DYM: variants seen among roughly 807,000 people sequenced by gnomAD.
The protein encoded by DYM is dyggve-Melchior-Clausen syndrome protein.
Under a neutral mutation model 93.1 loss-of-function variants are expected in DYM, and 78 were observed. The ratio of observed to expected loss-of-function variants is 0.84; its 90% CI spans 0.70 to 1.01. DYM has a LOEUF of 1.01. Among genes scored for constraint, DYM ranks in the 50% least tolerant of loss-of-function variants. The probability of loss-of-function intolerance (pLI) is 0.00; values close to 1 mark genes in which losing one functional copy is unlikely to be tolerated. For missense variants in DYM, 789 were observed against 845.0 expected, an observed-to-expected ratio of 0.93 and a Z score of 0.82; for synonymous variants, 321 against 319.7, an observed-to-expected ratio of 1.00 and a Z score of -0.04.
intron 3 of DYM, among the ~76,000 whole-genome samples, chr18:49,383,472 AAAT>A (rs2068252164): frequency 6.6e-6 from 1 of 152,204 alleles, no homozygotes; most frequent in African/African-American, 2.4e-5. Context: ...AAACTTGGAC[AAAT>A]AAAACCTTCT....
At chr18:49,081,175 C>T (rs1167751443) in intron 17 of DYM, among the ~76,000 whole-genome samples, 5 of 150,344 alleles carry the variant, frequency 3.3e-5, no homozygotes, top group East Asian at 2.0e-4. Flanking sequence ...GAGGTTGTAG[C>T]GAGCTGAGAT....
At chr18:49,142,514 T>C (rs569461873) in intron 15 of DYM, among the ~76,000 whole-genome samples, 2 of 152,232 alleles carry the variant, frequency 1.3e-5, no homozygotes, top group Non-Finnish European at 2.9e-5. Context: ...ATGCATGTTA[T>C]TACATTACTC....
At chr18:49,295,609 G>A (rs1193263080) in intron 8 of DYM, among the ~76,000 whole-genome samples, 1 of 152,282 alleles carries the variant, frequency 6.6e-6, no homozygotes, top group East Asian at 1.9e-4. Flanking sequence ...AAGCAAGCCT[G>A]CCTCTAGACT....
At chr18:49,206,139 C>A (rs1181292065) in intron 14 of DYM, among the ~76,000 whole-genome samples, 1 of 151,808 alleles carries the variant, frequency 6.6e-6, no homozygotes. Context: ...GCTGGGACTA[C>A]AAGCGTGTGC....
intron 16 of DYM, among the ~76,000 whole-genome samples, chr18:49,109,803 T>A (rs2081221308): frequency 6.6e-6 from 1 of 152,216 alleles, no homozygotes; most frequent in African/African-American, 2.4e-5. Flanking sequence ...CAGAAGGAGA[T>A]ACAAATATCT....
intron 16 of DYM, chr18:49,116,039 C>T (rs957662084): frequency 2.0e-5 from 3 of 152,222 alleles, no homozygotes; most frequent in Non-Finnish European, 2.9e-5. Flanking sequence ...GAAACCATGT[C>T]TCAAATAGAA....
At chr18:49,258,210 T>G (rs1424972772) in intron 12 of DYM, among the ~76,000 whole-genome samples, 170 bp downstream of exon 12, 3 of 152,230 alleles carry the variant, frequency 2.0e-5, no homozygotes, top group African/African-American at 7.2e-5. Flanking sequence ...CCATTAAATA[T>G]TAAGACCTTA....
intron 17 of DYM, among the ~76,000 whole-genome samples, chr18:49,048,773 C>T (rs1164079628): frequency 6.6e-6 from 1 of 152,180 alleles, no homozygotes; most frequent in African/African-American, 2.4e-5. Context: ...CCCTTAAATC[C>T]TGCAAAAGAG....
chr18:49,047,503 C>T (rs2071755109), intron 17 of DYM, among the ~76,000 whole-genome samples: 1 of 152,176 alleles, frequency 6.6e-6, no homozygotes, highest in Non-Finnish European at 1.5e-5. Flanking sequence ...AATGAGGCCC[C>T]AGCTTTATTT....
chr18:49,106,372 G>T (rs1223831829), intron 16 of DYM, among the ~76,000 whole-genome samples: 1 of 152,148 alleles, frequency 6.6e-6, no homozygotes, highest in Non-Finnish European at 1.5e-5. Context: ...TTGCCAGTCT[G>T]TGTCTTTTAA....
At chr18:49,320,683 G>C (rs1205026193) in intron 8 of DYM, among the ~76,000 whole-genome samples, 1 of 152,074 alleles carries the variant, frequency 6.6e-6, no homozygotes, top group African/African-American at 2.4e-5. Context: ...ATGTTGGCCA[G>C]GCTGGTCTCG....
chr18:49,355,696 T>C (rs2065498636), intron 6 of DYM, among the ~76,000 whole-genome samples: 1 of 152,180 alleles, frequency 6.6e-6, no homozygotes, highest in South Asian at 2.1e-4. Context: ...CATTAATAAC[T>C]GCAAATTTTA....
rs1333719312 is a variant in DYM, at chr18:49,039,305, C to A, written c.*4750G>T. 6.6e-6 allele frequency among the ~76,000 whole-genome samples: 1 copy of A among 152,116 alleles called. No individual in the cohort carries two copies. Among genetic ancestry groups the A allele is most frequent in the African/African-American group, 2.4e-5 (1 of 41,408 alleles). On this transcript the variant is annotated 3_prime_UTR_variant, in exon 18 of 18. Coordinates refer to ENST00000675505, the MANE Select transcript of DYM (RefSeq NM_001353214.3). Reference sequence around the variant, plus strand: ...TTATTGCTCCTTTAATGGTTATATTCCCTCTCCCACCCCAGCAGGTCTAAA... The same window carrying A: ...TTATTGCTCCTTTAATGGTTATATTACCTCTCCCACCCCAGCAGGTCTAAA...
At position 49,163,084 on chromosome 18, in the gene DYM, T is replaced by C. The variant is rs185262894; in HGVS notation, c.1728+601A>G. Among the ~76,000 whole-genome samples, 412 of 152,342 alleles carry C rather than the reference T, an allele frequency of 2.7e-3. 2 individuals are homozygous for C. Among genetic ancestry groups the C allele is most frequent in the Non-Finnish European group, 2.4e-3 (164 of 68,034 alleles). ...TGCATACTTCCTATAAAATCATCCC[T>C]GCTTTTGTTTTTGTGTTATTAGCTT... On this transcript the variant is annotated intron_variant, in intron 15 of 17. Coordinates refer to ENST00000675505, the MANE Select transcript of DYM (RefSeq NM_001353214.3).
intron 13 of DYM, among the ~76,000 whole-genome samples, chr18:49,215,302 T>C (rs574640465): frequency 1.3e-5 from 2 of 152,334 alleles, no homozygotes; most frequent in South Asian, 2.1e-4. Context: ...GTCAGTCTTA[T>C]TACTCTCCTT....
intron 2 of DYM, among the ~76,000 whole-genome samples, chr18:49,429,735 T>C (rs1201343539): frequency 6.6e-6 from 1 of 152,160 alleles, no homozygotes; most frequent in East Asian, 1.9e-4. Flanking sequence ...ATTGTGTGTA[T>C]GAAAAATGAT....
chr18:49,432,783 T>C (rs2080458634), intron 1 of DYM, among the ~76,000 whole-genome samples: 1 of 151,932 alleles, frequency 6.6e-6, no homozygotes, highest in Non-Finnish European at 1.5e-5. Flanking sequence ...CCAGCTAATA[T>C]TCTGTTATTT....
chr18:49,449,787 T>G (rs1180293663), intron 1 of DYM, among the ~76,000 whole-genome samples: 3 of 152,330 alleles, frequency 2.0e-5, no homozygotes, highest in Admixed American at 6.5e-5. Context: ...TGTGTCTTTC[T>G]GTAGCGTTCT....
At chr18:49,400,142 T>C (rs1053706700) in intron 2 of DYM, among the ~76,000 whole-genome samples, 6 of 152,126 alleles carry the variant, frequency 3.9e-5, no homozygotes, top group African/African-American at 1.4e-4. Flanking sequence ...CGTTTCACCA[T>C]GTTGGCCAGA....
Sources: gnomAD v4.1 joint callset for allele counts (sites outside exome capture counted in the v4.1 genomes callset) on GRCh38, gnomAD v4.1.1 for gene constraint, MANE v1.5 for transcripts, NCBI Gene and HGNC (gene_info 2026-07-23, HGNC 2026-07-21) for gene names.